Variants in SMYD3 observed in about 807,000 individuals in gnomAD.
SMYD3 encodes the protein SET and MYND domain containing 3, also known as histone-lysine N-methyltransferase SMYD3.
SMYD3 carries 36 observed loss-of-function variants against 57.7 expected under a neutral mutation model. That is an observed-to-expected ratio of 0.62 (90% CI 0.48 to 0.82). The LOEUF (loss-of-function observed/expected upper bound fraction) is 0.82. Among genes scored for constraint, SMYD3 ranks in the 40% least tolerant of loss-of-function variants. SMYD3 has a pLI of 0.00. For missense variants in SMYD3, 515 were observed against 538.8 expected, an observed-to-expected ratio of 0.96 and a Z score of 0.44; for synonymous variants, 211 against 195.0, an observed-to-expected ratio of 1.08 and a Z score of -0.68.
At chr1:246,244,089 A>G (rs998041181) in intron 5 of SMYD3, among the ~76,000 whole-genome samples, 10 of 151,800 alleles carry the variant, frequency 6.6e-5, no homozygotes, top group Non-Finnish European at 1.0e-4. Context: ...TATTTCATTA[A>G]TATCTCTTGT....
intron 5 of SMYD3, among the ~76,000 whole-genome samples, chr1:245,949,825 A>ACCCCCCCCCCCCCCCCCCCCCC (rs376505931): frequency 1.1e-4 from 10 of 93,298 alleles, no homozygotes; most frequent in Non-Finnish European, 1.5e-4. Flanking sequence ...AAAGAAACCC[A>ACCCCCCCCCCCCCCCCCCCCCC]CCCCCCCCAC....
chr1:245,913,718 T>C (rs2055191724), intron 8 of SMYD3, among the ~76,000 whole-genome samples: 1 of 152,050 alleles, frequency 6.6e-6, no homozygotes, highest in Non-Finnish European at 1.5e-5. Flanking sequence ...ATTTGCAAAT[T>C]ATGCATTCAA....
At chr1:246,404,458 G>A (rs1451183497) in intron 1 of SMYD3, among the ~76,000 whole-genome samples, 1 of 152,214 alleles carries the variant, frequency 6.6e-6, no homozygotes, top group Non-Finnish European at 1.5e-5. Flanking sequence ...CAGACATGAA[G>A]ACATGGCCAC....
intron 5 of SMYD3, among the ~76,000 whole-genome samples, chr1:246,204,405 C>A (rs994821858): frequency 6.6e-6 from 1 of 152,194 alleles, no homozygotes; most frequent in Non-Finnish European, 1.5e-5. Context: ...TCCTTGAAAG[C>A]AGATCCTGTG....
intron 1 of SMYD3, among the ~76,000 whole-genome samples, chr1:246,448,031 T>G (rs1000445005): frequency 1.3e-5 from 2 of 152,194 alleles, no homozygotes; most frequent in Middle Eastern, 3.2e-3. Flanking sequence ...CCTAAGACCT[T>G]TGGCATATGA....
intron 7 of SMYD3, among the ~76,000 whole-genome samples, chr1:245,917,126 T>A (rs1244887559): frequency 1.3e-5 from 2 of 151,454 alleles, no homozygotes; most frequent in African/African-American, 2.4e-5. Context: ...ACCTCCCAGG[T>A]TTGGGTGATC....
chr1:246,282,523 T>G (rs6693079), intron 5 of SMYD3, among the ~76,000 whole-genome samples: 67,816 of 131,416 alleles, frequency 0.52, 15,821 homozygotes, highest in East Asian at 0.75. Context: ...TTAATAATAA[T>G]TTTAAAAAAT....
chr1:246,499,517 C>T (rs922331839), intron 1 of SMYD3, among the ~76,000 whole-genome samples: 20 of 151,982 alleles, frequency 1.3e-4, no homozygotes, highest in African/African-American at 4.3e-4. Context: ...AGTGCAGTGG[C>T]GCAGTCTCAG....
At chr1:245,911,179 C>T (rs998978348) in intron 8 of SMYD3, among the ~76,000 whole-genome samples, 8 of 152,022 alleles carry the variant, frequency 5.3e-5, no homozygotes, top group Admixed American at 5.2e-4. Context: ...ATCATCTCCC[C>T]AGTTAAAATG....
At chr1:245,909,885 C>T (rs981151218) in intron 8 of SMYD3, among the ~76,000 whole-genome samples, 2 of 152,084 alleles carry the variant, frequency 1.3e-5, no homozygotes, top group East Asian at 3.8e-4. Flanking sequence ...CTGAAAGCCC[C>T]TCCTTTACCA....
intron 7 of SMYD3, among the ~76,000 whole-genome samples, chr1:245,921,850 G>A (rs1260271428): frequency 6.6e-6 from 1 of 152,106 alleles, no homozygotes. Context: ...AGAGAGGGAG[G>A]TAGGGCAAGG....
At chr1:245,879,184 T>A (rs1265431307) in intron 8 of SMYD3, among the ~76,000 whole-genome samples, 1 of 152,246 alleles carries the variant, frequency 6.6e-6, no homozygotes, top group Non-Finnish European at 1.5e-5. Context: ...ATTTGCTTTA[T>A]GCATTTCTAG....
intron 10 of SMYD3, among the ~76,000 whole-genome samples, chr1:245,804,169 C>T (rs1206857829): frequency 1.3e-5 from 2 of 152,052 alleles, no homozygotes; most frequent in Admixed American, 6.6e-5. Context: ...TCTCGGCCTC[C>T]CAAAGTGTTG....
chr1:246,175,748 T>C (rs568276188), intron 5 of SMYD3, among the ~76,000 whole-genome samples: 150 of 152,312 alleles, frequency 9.8e-4, no homozygotes, highest in Admixed American at 1.4e-3. Context: ...GGTAATTTAC[T>C]GGCATGTGTG....
At chr1:246,454,074 A>C (rs1188451223) in intron 1 of SMYD3, among the ~76,000 whole-genome samples, 1 of 152,204 alleles carries the variant, frequency 6.6e-6, no homozygotes, top group Non-Finnish European at 1.5e-5. Flanking sequence ...ATCCTGAATA[A>C]ACATTCAGAG....
At chr1:245,825,725 A>G (rs956609791) in intron 10 of SMYD3, among the ~76,000 whole-genome samples, 1 of 152,116 alleles carries the variant, frequency 6.6e-6, no homozygotes, top group Non-Finnish European at 1.5e-5. Flanking sequence ...TTCACTGAGC[A>G]TGCTGAACAT....
At chr1:246,476,657 T>C (rs1299052388) in intron 1 of SMYD3, among the ~76,000 whole-genome samples, 1 of 152,220 alleles carries the variant, frequency 6.6e-6, no homozygotes, top group Non-Finnish European at 1.5e-5. Context: ...GCTTTCAACC[T>C]ATATGAAGAC....
At chr1:246,458,411 C>T (rs1410911819) in intron 1 of SMYD3, among the ~76,000 whole-genome samples, 1 of 150,386 alleles carries the variant, frequency 6.6e-6, no homozygotes, top group Non-Finnish European at 1.5e-5. Flanking sequence ...TGGAACAAGG[C>T]CATAACCTTC....
At chr1:245,803,661 G>C (rs961405610) in intron 10 of SMYD3, among the ~76,000 whole-genome samples, 12 of 152,154 alleles carry the variant, frequency 7.9e-5, no homozygotes, top group African/African-American at 2.9e-4. Context: ...GGAACTACTA[G>C]AATTAGGTGG....
Sources: gnomAD v4.1 joint callset for allele counts (sites outside exome capture counted in the v4.1 genomes callset) on GRCh38, gnomAD v4.1.1 for gene constraint, MANE v1.5 for transcripts, NCBI Gene and HGNC (gene_info 2026-07-23, HGNC 2026-07-21) for gene names.